The following CNTNAP2 variants were observed in gnomAD, a reference collection of about 807,000 sequenced individuals.
CNTNAP2 encodes contactin associated protein 2.
CNTNAP2 carries 98 observed loss-of-function variants against 155.2 expected under a neutral mutation model. The observed-to-expected ratio is 0.63, with a 90% CI of 0.54 to 0.75. The LOEUF is 0.75. Among genes scored for constraint, CNTNAP2 ranks in the 30% least tolerant of loss-of-function variants. CNTNAP2 has a pLI of 0.00. For synonymous variants in CNTNAP2, 651 were observed against 631.2 expected, an observed-to-expected ratio of 1.03 and a Z score of -0.47; for missense variants, 1,727 against 1,688.1, an observed-to-expected ratio of 1.02 and a Z score of -0.40.
chr7:148,068,266 A>G (rs1437028919), intron 15 of CNTNAP2, among the ~76,000 whole-genome samples: 2 of 152,066 alleles, frequency 1.3e-5, no homozygotes, highest in Non-Finnish European at 2.9e-5. Context: ...GTCTTTCCCC[A>G]GTTCCACTGG....
intron 15 of CNTNAP2, among the ~76,000 whole-genome samples, chr7:148,072,552 C>A (rs56176558): frequency 6.6e-6 from 1 of 152,168 alleles, no homozygotes; most frequent in Admixed American, 6.5e-5. Context: ...AAGACAAAAG[C>A]CATTCTTAGC....
chr7:146,979,442 A>G (rs572428006), intron 3 of CNTNAP2, among the ~76,000 whole-genome samples: 5 of 152,320 alleles, frequency 3.3e-5, no homozygotes, highest in East Asian at 3.9e-4. Context: ...AGAGTGCTTT[A>G]TTGATACTCA....
chr7:148,380,794 G>GC (rs913204518), intron 21 of CNTNAP2, among the ~76,000 whole-genome samples: 4 of 152,154 alleles, frequency 2.6e-5, no homozygotes, highest in African/African-American at 9.7e-5. Flanking sequence ...TAAGCACAGT[G>GC]CCCCCCATCA....
intron 1 of CNTNAP2, among the ~76,000 whole-genome samples, chr7:146,450,258 T>C (rs900579588): frequency 6.6e-6 from 1 of 152,224 alleles, no homozygotes; most frequent in Non-Finnish European, 1.5e-5. Context: ...CTTTGTGTTT[T>C]ATATCTTATA....
intron 5 of CNTNAP2, among the ~76,000 whole-genome samples, chr7:147,120,179 G>A (rs929769252): frequency 1.3e-5 from 2 of 152,024 alleles, no homozygotes; most frequent in African/African-American, 4.8e-5. Context: ...AATTAAAAAT[G>A]GTCTTGCTAT....
At chr7:146,593,203 C>G (rs1041775914) in intron 1 of CNTNAP2, among the ~76,000 whole-genome samples, 1 of 151,456 alleles carries the variant, frequency 6.6e-6, no homozygotes, top group African/African-American at 2.4e-5. Flanking sequence ...ACTGGTGATA[C>G]CCTGAAAGTC....
intron 1 of CNTNAP2, among the ~76,000 whole-genome samples, chr7:146,203,096 ACAGAAGGTTTTT>A (rs1364261456): frequency 6.6e-6 from 1 of 152,148 alleles, no homozygotes; most frequent in Non-Finnish European, 1.5e-5. Flanking sequence ...AACAATCAAC[ACAGAAGGTTTTT>A]GTGACCAAGT....
At chr7:148,235,713 G>A (rs1008656837) in intron 20 of CNTNAP2, among the ~76,000 whole-genome samples, 2 of 143,140 alleles carry the variant, frequency 1.4e-5, no homozygotes. Context: ...TTGAGACGGA[G>A]TCTTGCTCTG....
intron 1 of CNTNAP2, among the ~76,000 whole-genome samples, chr7:146,223,613 C>A (rs1799243963): frequency 6.6e-6 from 1 of 152,288 alleles, no homozygotes; most frequent in Admixed American, 6.5e-5. Flanking sequence ...CTCTGGCAAT[C>A]TTGACTCTAG....
At chr7:148,332,315 C>G (rs1305922004) in intron 21 of CNTNAP2, among the ~76,000 whole-genome samples, 1 of 152,090 alleles carries the variant, frequency 6.6e-6, no homozygotes, top group East Asian at 1.9e-4. Flanking sequence ...ACATGAAATT[C>G]TGGTTTCTGT....
intron 10 of CNTNAP2, among the ~76,000 whole-genome samples, chr7:147,456,715 C>T (rs1038866496): frequency 6.6e-6 from 1 of 151,690 alleles, no homozygotes; most frequent in Non-Finnish European, 1.5e-5. Context: ...AAAAATTAAT[C>T]ACAGGAAAAA....
intron 13 of CNTNAP2, among the ~76,000 whole-genome samples, chr7:147,643,830 T>G (rs943281528): frequency 6.6e-6 from 1 of 152,228 alleles, no homozygotes; most frequent in African/African-American, 2.4e-5. Flanking sequence ...GATATTCATA[T>G]GGACCTCATT....
At chr7:148,145,308 G>A (rs576928506) in intron 16 of CNTNAP2, among the ~76,000 whole-genome samples, 1 of 152,272 alleles carries the variant, frequency 6.6e-6, no homozygotes, top group African/African-American at 2.4e-5. Flanking sequence ...TGATGTTAAG[G>A]TGACGGTGAA....
At chr7:146,598,153 C>G (rs1010420537) in intron 1 of CNTNAP2, among the ~76,000 whole-genome samples, 1 of 152,062 alleles carries the variant, frequency 6.6e-6, no homozygotes, top group Non-Finnish European at 1.5e-5. Flanking sequence ...CTGTGTTTCA[C>G]GACCATTGAA....
At chr7:146,184,530 G>A (rs1468510422) in intron 1 of CNTNAP2, among the ~76,000 whole-genome samples, 1 of 152,162 alleles carries the variant, frequency 6.6e-6, no homozygotes, top group Non-Finnish European at 1.5e-5. Context: ...TTAGTTAATA[G>A]AATATATTTT....
intron 2 of CNTNAP2, among the ~76,000 whole-genome samples, chr7:146,778,507 G>A (rs1398189125): frequency 6.6e-6 from 1 of 152,108 alleles, no homozygotes; most frequent in Admixed American, 6.5e-5. Context: ...CCTTATTCCT[G>A]TGATCTGTGT....
At chr7:146,508,022 C>A (rs1797410016) in intron 1 of CNTNAP2, among the ~76,000 whole-genome samples, 1 of 152,194 alleles carries the variant, frequency 6.6e-6, no homozygotes, top group South Asian at 2.1e-4. Context: ...GACAGCACAG[C>A]TGCATGTGAA....
chr7:146,480,698 T>TG (rs1796947126), intron 1 of CNTNAP2, among the ~76,000 whole-genome samples: 1 of 145,816 alleles, frequency 6.9e-6, no homozygotes, highest in African/African-American at 2.5e-5. Flanking sequence ...TTTTTTTTTT[T>TG]TTTTTTTTTA....
intron 8 of CNTNAP2, among the ~76,000 whole-genome samples, chr7:147,140,315 C>A (rs1801567024): frequency 6.6e-6 from 1 of 151,926 alleles, no homozygotes; most frequent in African/African-American, 2.4e-5. Context: ...ATCTTGCTAC[C>A]CCTAGACGTA....
Sources: allele counts gnomAD v4.1 joint callset (sites outside exome capture counted in the v4.1 genomes callset), GRCh38; gene constraint gnomAD v4.1.1; transcripts MANE v1.5; gene names NCBI Gene and HGNC (gene_info 2026-07-23, HGNC 2026-07-21).